TOM1: variants seen among roughly 807,000 people sequenced by gnomAD.
The protein encoded by TOM1 is target of myb1 membrane trafficking protein, also known as target of Myb protein 1.
Under a neutral mutation model 61.3 loss-of-function variants are expected in TOM1, and 38 were observed. The observed-to-expected ratio is 0.62, with a 90% CI of 0.48 to 0.81. The LOEUF (loss-of-function observed/expected upper bound fraction) is 0.81, where lower values mean the gene tolerates loss of function less well. TOM1 is among the 40% of genes least tolerant of loss of function. The pLI, the probability that TOM1 is intolerant of heterozygous loss-of-function variation, is 0.00. For missense variants in TOM1, 591 were observed against 659.6 expected, an observed-to-expected ratio of 0.90 and a Z score of 1.14; for synonymous variants, 270 against 268.8, an observed-to-expected ratio of 1.00 and a Z score of -0.04.
At chr22:35,314,713 T>C (rs1408891603) in intron 1 of TOM1, among the ~76,000 whole-genome samples, 3 of 151,834 alleles carry the variant, frequency 2.0e-5, no homozygotes, top group Non-Finnish European at 4.4e-5. Context: ...GCCAACTCCC[T>C]GTGTGGTCAG....
At chr22:35,321,880 T>G in intron 2 of TOM1, 79 bp from the exon 3 acceptor site, 1 of 1,227,998 alleles carries the variant, frequency 8.1e-7, no homozygotes, top group Non-Finnish European at 1.2e-6. Context: ...CAATAAGAAC[T>G]GTTCCAACTC....
At chr22:35,322,108 C>T (rs576135702) in intron 3 of TOM1, 71 bp downstream of exon 3, 3 of 1,383,474 alleles carry the variant, frequency 2.2e-6, no homozygotes, top group East Asian at 2.3e-5. Context: ...TCAGACCCAG[C>T]AGGACTCCCA....
chr22:35,317,535 G>A (rs886804140), intron 1 of TOM1, among the ~76,000 whole-genome samples: 9 of 152,196 alleles, frequency 5.9e-5, no homozygotes, highest in African/African-American at 2.2e-4. Flanking sequence ...CTACAGAAAT[G>A]AAGCAAAGCA....
chr22:35,314,421 C>T (rs752739099), intron 1 of TOM1, among the ~76,000 whole-genome samples: 1 of 152,048 alleles, frequency 6.6e-6, no homozygotes, highest in Non-Finnish European at 1.5e-5. Flanking sequence ...GCCTGCACTG[C>T]TTGGGTCACA....
chr22:35,299,662 G>A (rs985239666), upstream of TOM1: 3 of 507,226 alleles, frequency 5.9e-6, no homozygotes, highest in Admixed American at 1.1e-4. Context: ...GTGGCTTAAA[G>A]AGGACCGCGC....
rs775917077 is a variant in TOM1 at position 35,346,978 on chromosome 22, C to A, written c.1324+9C>A. The stretch of plus-strand genomic sequence containing the variant: ...GGGGGTCACCAGCGAAGGTAGTAGT[C>A]CCCGCCCCTGCCCGCCCTCTCCTTT... On this transcript the variant is annotated intron_variant, in intron 14 of 14. Transcript: ENST00000449058. The A allele has an allele frequency of 1.2e-6, 2 of 1,607,666 alleles. No individual in the cohort carries two copies. The highest frequency in any genetic ancestry group is 1.7e-5 in the Admixed American group (1 of 59,876).
At chr22:35,299,285 A>T (rs1269887814), upstream of TOM1, 1 of 152,296 alleles carries the variant, frequency 6.6e-6, no homozygotes, top group African/African-American at 2.4e-5. Context: ...GCTTTTTGCC[A>T]TCCTGGGCGC....
At chr22:35,332,702 C>T (rs1181816074) in intron 8 of TOM1, among the ~76,000 whole-genome samples, 1 of 152,082 alleles carries the variant, frequency 6.6e-6, no homozygotes, top group East Asian at 1.9e-4. Flanking sequence ...CTGTTCTAAC[C>T]TATTCCTGTT....
intron 8 of TOM1, among the ~76,000 whole-genome samples, chr22:35,332,219 C>G (rs1928902206): frequency 6.6e-6 from 1 of 152,188 alleles, no homozygotes; most frequent in African/African-American, 2.4e-5. Context: ...GGCCTCTTCC[C>G]TGCCATTTTG....
At chr22:35,327,677 A>G (rs1252999973) in intron 7 of TOM1, among the ~76,000 whole-genome samples, 1 of 152,218 alleles carries the variant, frequency 6.6e-6, no homozygotes. Context: ...TAAATAAGGT[A>G]TTGCATGAAA....
intron 1 of TOM1, among the ~76,000 whole-genome samples, chr22:35,314,032 A>C (rs1386682726): frequency 6.6e-6 from 1 of 152,240 alleles, no homozygotes; most frequent in East Asian, 1.9e-4. Flanking sequence ...TCTGTGGTGA[A>C]GAACAAAAAC....
rs534689495 is a variant in TOM1 at position 35,308,588 on chromosome 22, CT to C, written c.52+8612del. On this transcript the variant is annotated intron_variant, in intron 1 of 14. Coordinates refer to ENST00000449058, the MANE Select transcript of TOM1 (RefSeq NM_005488.3). ...TGAGCTACCACAGCCAGCCTAGTTC[CT>C]TTTCTCTAGAGATCCCTGACTAATA... Among the ~76,000 whole-genome samples, 17 of 151,982 alleles carry C rather than the reference CT, an allele frequency of 1.1e-4. No individual in the cohort carries two copies. The South Asian group carries it at 3.1e-3, about 28-fold the overall frequency.
At chr22:35,331,907 AAGG>A (rs1360643194) in intron 8 of TOM1, among the ~76,000 whole-genome samples, 2 of 151,880 alleles carry the variant, frequency 1.3e-5, no homozygotes, top group Non-Finnish European at 2.9e-5. Context: ...AAGGAAAGAG[AAGG>A]AGAAGGATTG....
At chr22:35,316,356 CT>C (rs1191728023) in intron 1 of TOM1, among the ~76,000 whole-genome samples, 1 of 152,384 alleles carries the variant, frequency 6.6e-6, no homozygotes, top group Admixed American at 6.5e-5. Context: ...ACAAAATTTC[CT>C]GTGTGCACGT....
chr22:35,323,682 CCA>C lies in TOM1; in HGVS notation c.501+53_501+54del. The C allele has an allele frequency of 1.2e-6, 2 of 1,611,314 alleles. No homozygotes were observed. The highest frequency in any genetic ancestry group is 1.7e-6 in the Non-Finnish European group (2 of 1,177,762). On this transcript the variant is annotated intron_variant, in intron 5 of 14. Transcript: ENST00000449058. This position sits in a 1 kb window ranked among gnomAD's most constrained non-coding sequence, Gnocchi z 4.2. ...AAGGGAAGGGAGGCAGGACTCATCC[CCA>C]GAGACATCACCAGGCTGGCCCCTGA...
intron 12 of TOM1, among the ~76,000 whole-genome samples, chr22:35,343,941 CTACACACACCACA>C (rs1427905414): frequency 6.6e-5 from 10 of 151,154 alleles, no homozygotes; most frequent in African/African-American, 2.2e-4. Context: ...CACACACCAC[CTACACACACCACA>C]TACATCTATA....
intron 1 of TOM1, chr22:35,311,247 GA>G (rs1396924740): frequency 6.6e-6 from 1 of 152,232 alleles, no homozygotes; most frequent in Non-Finnish European, 1.5e-5. Context: ...AGTCCCGTGG[GA>G]AGGCCAGGGC....
rs757629430 is a variant in TOM1 at position 35,338,787 on chromosome 22, C to T, written c.1223C>T (p.Ala408Val). The stretch of plus-strand genomic sequence containing the variant: ...GACGCCCGGCAGCAGAGCACTGGCG[C>T]GGTAAGCAGAGGGGCCATCCTGCCA... ...ALDARQQSTG[A>V]IPVTQACLME... Residue 408 changes from alanine to valine, a missense_variant and splice_region_variant, in exon 12 of 15, where the codon GCG becomes GTG. Ala to Val is a moderately conservative substitution (Grantham distance 64). Coordinates refer to ENST00000449058, the MANE Select transcript of TOM1 (RefSeq NM_005488.3). 3.7e-5 allele frequency: 58 copies of T among 1,588,342 alleles called. No individual in the cohort carries two copies. The highest frequency in any genetic ancestry group is 1.7e-4 in the Middle Eastern group (1 of 6,022).
chr22:35,316,841 C>T (rs565492137), intron 1 of TOM1, among the ~76,000 whole-genome samples: 20 of 152,102 alleles, frequency 1.3e-4, no homozygotes, highest in African/African-American at 2.2e-4. Flanking sequence ...GGGCCCGTAC[C>T]GTGCTGATAC....
Sources: gnomAD v4.1 joint callset for allele counts (sites outside exome capture counted in the v4.1 genomes callset) on GRCh38, gnomAD v4.1.1 for gene constraint, Gnocchi (gnomAD v3.1) non-coding constraint, MANE v1.5 for transcripts, NCBI Gene and HGNC (gene_info 2026-07-23, HGNC 2026-07-21) for gene names.